CCNB3: variants seen among roughly 807,000 people sequenced by gnomAD.
CCNB3 encodes G2/mitotic-specific cyclin-B3.
Under a neutral mutation model 68.0 loss-of-function variants are expected in CCNB3, and 12 were observed. That is an observed-to-expected ratio of 0.18 (90% CI 0.11 to 0.29). CCNB3 has a LOEUF of 0.29. Among genes scored for constraint, CCNB3 ranks in the 10% least tolerant of loss-of-function variants. The pLI, the probability that CCNB3 is intolerant of heterozygous loss-of-function variation, is 1.00. For missense variants in CCNB3, 904 were observed against 993.1 expected (o/e 0.91, Z 1.21); for synonymous variants, 354 against 388.9 (o/e 0.91, Z 1.06).
At chrX:50,347,508 G>A (rs967408122) in intron 10 of CCNB3, 118 bp from the exon 11 acceptor site, 37 of 638,835 alleles carry the variant, frequency 5.8e-5, no homozygotes, top group Admixed American at 9.1e-5. Flanking sequence ...CAGGAGAAAG[G>A]CACATTACTC....
chrX:50,347,629 A>G lies in CCNB3; in HGVS notation c.3814A>G (p.Ile1272Val), dbSNP rs781861572. The G allele has an allele frequency of 1.2e-5, 14 of 1,209,063 alleles. No homozygotes were observed. The South Asian group carries it at 2.1e-4, about 18-fold the overall frequency. Residue 1272 changes from isoleucine (I) to valine (V), a missense_variant, in exon 11 of 13, where the codon ATC (isoleucine) becomes GTC (valine). By Grantham distance (29) the Ile-to-Val change is conservative (BLOSUM62 3). Around this residue, in one of 2 missense-constraint regions of CCNB3, gnomAD observed 285 missense variants for 383.4 expected, o/e 0.74. Coordinates refer to ENST00000376042, the MANE Select transcript of CCNB3 (RefSeq NM_033031.3). ...YHFLRRYARCIHTNMKTLTLS... is the reference protein window; with the variant it reads ...YHFLRRYARCVHTNMKTLTLS... ...CCAGTCTTCTCATTGCCTTTAGTGTATCCACACCAACATGAAGACACTGAC... is the reference window on the plus strand; with the variant it reads ...CCAGTCTTCTCATTGCCTTTAGTGTGTCCACACCAACATGAAGACACTGAC...
At chrX:50,320,482 T>C (rs1231978020) in intron 8 of CCNB3, among the ~76,000 whole-genome samples, 1 of 110,433 alleles carries the variant, frequency 9.1e-6, no homozygotes, top group African/African-American at 3.3e-5. Context: ...TGTTTATCAG[T>C]CTTGCTAGAG....
chrX:50,310,122 A>C lies in CCNB3; in HGVS notation c.1953A>C (p.Glu651Asp). The C allele has an allele frequency of 8.3e-7, 1 of 1,211,292 alleles. No individual in the cohort carries two copies. The highest frequency in any genetic ancestry group is 1.1e-6 in the Non-Finnish European group (1 of 895,064). ...AAGAGAAGCATACCACCTTGCAGGAAGTGTCCCTCTCAAAAGAGTCATTGG... is the reference window on the plus strand; with the variant it reads ...AAGAGAAGCATACCACCTTGCAGGACGTGTCCCTCTCAAAAGAGTCATTGG... ...ALKEKHTTLQ[E>D]VSLSKESLAI... The change falls in exon 6 of 13, where the codon GAA (glutamate) becomes GAC (aspartate). Residue 651 changes from glutamate to aspartate, a missense_variant. Coordinates refer to ENST00000376042, the MANE Select transcript of CCNB3 (RefSeq NM_033031.3).
intron 1 of CCNB3, among the ~76,000 whole-genome samples, chrX:50,220,848 G>T (rs1935658737): frequency 9.0e-6 from 1 of 111,649 alleles, no homozygotes; most frequent in Admixed American, 9.6e-5. Context: ...AGAAGGAATG[G>T]TACCAGCTCC....
intron 8 of CCNB3, among the ~76,000 whole-genome samples, chrX:50,338,526 CT>C (rs782750261): frequency 8.9e-6 from 1 of 111,990 alleles, no homozygotes; most frequent in East Asian, 2.8e-4. Context: ...TTTCACAGTG[CT>C]TTTCCATACA....
chrX:50,304,062 T>C lies in CCNB3; in HGVS notation c.336-4443T>C, dbSNP rs782056161. On this transcript the variant is annotated intron_variant, in intron 5 of 12. Coordinates refer to ENST00000376042, the MANE Select transcript of CCNB3 (RefSeq NM_033031.3). ...GTTTTGAGTGTGGATGTCCAGTTTT[T>C]CCAGCACTATTTGTTGAGAAAACTA... 2.7e-5 allele frequency among the ~76,000 whole-genome samples: 3 copies of C among 111,839 alleles called. No homozygotes were observed. In the East Asian group the frequency reaches 8.4e-4, roughly 31 times the overall value.
At chrX:50,350,307 G>A (rs186924985) in intron 11 of CCNB3, among the ~76,000 whole-genome samples, 7 of 109,340 alleles carry the variant, frequency 6.4e-5, no homozygotes, top group African/African-American at 1.7e-4. Flanking sequence ...TGGAATTACC[G>A]TAATAATCCC....
intron 1 of CCNB3, among the ~76,000 whole-genome samples, chrX:50,282,544 A>G (rs767806650): frequency 3.6e-4 from 40 of 111,250 alleles, no homozygotes; most frequent in African/African-American, 1.2e-3. Flanking sequence ...AAAGGATTCT[A>G]ATTTTCTTGC....
intron 9 of CCNB3, among the ~76,000 whole-genome samples, chrX:50,344,175 G>GCT (rs1923279999): frequency 8.9e-6 from 1 of 112,393 alleles, no homozygotes; most frequent in Non-Finnish European, 1.9e-5. Flanking sequence ...TGTAGCCTAG[G>GCT]AGCAATAGGC....
intron 1 of CCNB3, among the ~76,000 whole-genome samples, chrX:50,220,935 C>T (rs1388405625): frequency 9.0e-6 from 1 of 111,339 alleles, no homozygotes; most frequent in Non-Finnish European, 1.9e-5. Context: ...CTATTAGTTA[C>T]TGCCTCAATT....
intron 10 of CCNB3, among the ~76,000 whole-genome samples, chrX:50,347,277 A>T (rs782162240): frequency 3.6e-5 from 4 of 110,426 alleles, no homozygotes; most frequent in Non-Finnish European, 7.6e-5. Context: ...GTTTTGAGGT[A>T]TGGAACACCT....
rs781936119 is a variant in CCNB3 at position 50,310,944 on chromosome X, C to A, written c.2775C>A (p.Val925=). 2 of 1,212,094 alleles carry A rather than the reference C, an allele frequency of 1.7e-6. No individual in the cohort carries two copies. Among genetic ancestry groups the A allele is most frequent in the Admixed American group, 2.2e-5 (1 of 46,072 alleles). The change falls in exon 6 of 13, where the codon GTC becomes GTA. Residue 925 remains valine (V), a synonymous_variant. Transcript: ENST00000376042. ...ALKMSTINEA[V]LFEDMIALNE... ...AGATGTCTACCATCAATGAGGCAGT[C>A]CTCTTCGAAGATATGATAGCTCTGA... is the stretch of plus-strand genomic sequence containing the variant.
intron 1 of CCNB3, among the ~76,000 whole-genome samples, chrX:50,207,918 C>T (rs782092286): frequency 9.0e-6 from 1 of 111,363 alleles, no homozygotes; most frequent in South Asian, 3.8e-4. Context: ...TCCAGCCACC[C>T]CTCCACCCCT....
chrX:50,338,764 CT>C (rs1458719137), intron 8 of CCNB3, among the ~76,000 whole-genome samples: 2 of 112,518 alleles, frequency 1.8e-5, no homozygotes, highest in Non-Finnish European at 3.8e-5. Context: ...ACAAGGGTGA[CT>C]TTTGCTGTAG....
chrX:50,309,351 G>C lies in CCNB3; in HGVS notation c.1182G>C (p.Lys394Asn), dbSNP rs1229505344. The stretch of plus-strand genomic sequence containing the variant: ...AGGAGCAGTGCATGACTGAGGGGAA[G>C]AGGTCCCGTCTGAAGCCATTAGTAT... Reference protein sequence around the residue: ...ILKEQCMTEGKRSRLKPLVLQ... With the variant: ...ILKEQCMTEGNRSRLKPLVLQ... Residue 394 changes from lysine (K) to asparagine (N), a missense_variant, in exon 6 of 13, where the codon AAG becomes AAC. Around this residue, in one of 2 missense-constraint regions of CCNB3, gnomAD observed 619 missense variants for 609.8 expected, o/e 1.02. Coordinates refer to ENST00000376042, the MANE Select transcript of CCNB3 (RefSeq NM_033031.3). 1.7e-6 allele frequency: 2 copies of C among 1,211,370 alleles called. No individual in the cohort carries two copies. The highest frequency in any genetic ancestry group is 2.2e-6 in the Non-Finnish European group (2 of 895,179).
intron 9 of CCNB3, among the ~76,000 whole-genome samples, chrX:50,346,430 CTGG>C (rs782475242): frequency 4.5e-5 from 5 of 111,475 alleles, no homozygotes; most frequent in African/African-American, 1.6e-4. Context: ...TATCCTCTAT[CTGG>C]TGGTGGTGGT....
intron 1 of CCNB3, among the ~76,000 whole-genome samples, chrX:50,212,636 A>G (rs1687911745): frequency 9.0e-6 from 1 of 110,725 alleles, no homozygotes; most frequent in Admixed American, 9.7e-5. Context: ...TCATCCCCAG[A>G]AGAAACCTTA....
intron 1 of CCNB3, among the ~76,000 whole-genome samples, chrX:50,279,749 T>A (rs1359345666): frequency 2.2e-5 from 2 of 89,731 alleles, no homozygotes; most frequent in Non-Finnish European, 4.2e-5. Flanking sequence ...TGTATATTCA[T>A]ATATGTAAAT....
intron 1 of CCNB3, among the ~76,000 whole-genome samples, chrX:50,279,037 A>C (rs1370361837): frequency 1.7e-5 from 1 of 58,372 alleles, no homozygotes; most frequent in East Asian, 5.2e-4. Context: ...TATTTATAGA[A>C]TATAGATATT....
Sources: allele counts gnomAD v4.1 joint callset (sites outside exome capture counted in the v4.1 genomes callset), GRCh38; gene constraint gnomAD v4.1.1; regional missense constraint gnomAD v4.1.1; transcripts MANE v1.5; gene names NCBI Gene and HGNC (gene_info 2026-07-23, HGNC 2026-07-21).